The following ZNF438 variants were observed in gnomAD, a reference collection of about 807,000 sequenced individuals.
ZNF438 encodes the protein zinc finger protein 438.
Under a neutral mutation model 38.0 loss-of-function variants are expected in ZNF438, and 25 were observed. The ratio of observed to expected loss-of-function variants is 0.66; its 90% CI spans 0.48 to 0.92. The LOEUF is 0.92. Among genes scored for constraint, ZNF438 ranks in the 40% least tolerant of loss-of-function variants. The pLI, the probability that ZNF438 is intolerant of heterozygous loss-of-function variation, is 0.00. For missense variants in ZNF438, 1,007 were observed against 999.6 expected, an observed-to-expected ratio of 1.01 and a Z score of -0.10; for synonymous variants, 372 against 364.1, an observed-to-expected ratio of 1.02 and a Z score of -0.25.
Position 31,010,233 on chromosome 10 carries a change from G to T in ZNF438, c.-192+21600C>A, listed in dbSNP as rs192684634. Among the ~76,000 whole-genome samples the T allele has an allele frequency of 2.8e-3, 423 of 152,242 alleles. 2 individuals are homozygous for T. The highest frequency in any genetic ancestry group is 3.8e-3 in the Non-Finnish European group (259 of 68,016). ...TGGCTAAAAGAAAAAATACTTATAT[G>T]TTTACCTTTAACCAGAAAAGCCTGA... On this transcript the variant is annotated intron_variant, in intron 1 of 5. Coordinates refer to ENST00000413025, the Ensembl canonical transcript of ZNF438.
chr10:30,995,103 A>G (rs2053912779), intron 1 of ZNF438, among the ~76,000 whole-genome samples: 1 of 152,048 alleles, frequency 6.6e-6, no homozygotes, highest in African/African-American at 2.4e-5. Context: ...AAATCTTTCC[A>G]AATTTGATAA....
intron 1 of ZNF438, among the ~76,000 whole-genome samples, chr10:30,963,002 G>T (rs1489017731): frequency 1.3e-5 from 2 of 151,986 alleles, no homozygotes; most frequent in Non-Finnish European, 2.9e-5. Context: ...TAATCAAAGG[G>T]TCTCAATATA....
intron 3 of ZNF438, among the ~76,000 whole-genome samples, chr10:30,906,671 T>C (rs1484196041): frequency 1.3e-5 from 2 of 152,222 alleles, no homozygotes; most frequent in Non-Finnish European, 1.5e-5. Flanking sequence ...ACTTTCAGTT[T>C]TTCACCATTA....
At chr10:30,947,501 A>C (rs1027149634) in intron 1 of ZNF438, among the ~76,000 whole-genome samples, 4 of 152,252 alleles carry the variant, frequency 2.6e-5, no homozygotes, top group African/African-American at 7.2e-5. Context: ...CTGCCCCCAG[A>C]GGTGGAGCCT....
chr10:30,988,299 T>G (rs1254305732), intron 1 of ZNF438, among the ~76,000 whole-genome samples: 1 of 152,098 alleles, frequency 6.6e-6, no homozygotes, highest in Non-Finnish European at 1.5e-5. Context: ...AAACAGTAAC[T>G]TGAAAAAAAT....
At chr10:30,899,551 T>C (rs943595126) in intron 3 of ZNF438, among the ~76,000 whole-genome samples, 6 of 152,328 alleles carry the variant, frequency 3.9e-5, no homozygotes, top group African/African-American at 7.2e-5. Flanking sequence ...TACATTATCA[T>C]TGAAAAATTC....
intron 4 of ZNF438, among the ~76,000 whole-genome samples, chr10:30,866,126 A>G (rs1222426693): frequency 6.6e-6 from 1 of 152,180 alleles, no homozygotes; most frequent in Non-Finnish European, 1.5e-5. Context: ...TTTTAGTTTT[A>G]TAAAATTTTG....
chr10:30,949,848 A>C (rs1248652328), intron 1 of ZNF438, among the ~76,000 whole-genome samples: 1 of 152,092 alleles, frequency 6.6e-6, no homozygotes, highest in Non-Finnish European at 1.5e-5. Context: ...CGAGACAGAA[A>C]GTCAACAAGG....
At chr10:31,029,514 T>C (rs2057147948) in intron 1 of ZNF438, among the ~76,000 whole-genome samples, 1 of 152,196 alleles carries the variant, frequency 6.6e-6, no homozygotes, top group Non-Finnish European at 1.5e-5. Flanking sequence ...CCGTCAGCTC[T>C]ACCTTCAAAA....
chr10:31,005,802 CT>C (rs1277169872), intron 1 of ZNF438, among the ~76,000 whole-genome samples: 2 of 151,796 alleles, frequency 1.3e-5, no homozygotes, highest in East Asian at 3.8e-4. Flanking sequence ...GCTCATCATC[CT>C]ATTTACTTTT....
intron 3 of ZNF438, among the ~76,000 whole-genome samples, chr10:30,900,043 G>A (rs1222612119): frequency 6.6e-6 from 1 of 152,052 alleles, no homozygotes; most frequent in East Asian, 1.9e-4. Context: ...GGGTTACATG[G>A]TAAATATTTT....
At chr10:30,888,005 A>C (rs2040183582) in intron 3 of ZNF438, among the ~76,000 whole-genome samples, 2 of 152,186 alleles carry the variant, frequency 1.3e-5, no homozygotes, top group Non-Finnish European at 2.9e-5. Flanking sequence ...CATTATATGA[A>C]TATAACACAA....
In ZNF438 at chr10:30,853,474, C is replaced by T. The variant is rs529748250; in HGVS notation, c.38-3107G>A. Among the ~76,000 whole-genome samples, 32 of 152,310 alleles carry T rather than the reference C, an allele frequency of 2.1e-4. No individual in the cohort carries two copies. The East Asian group carries it at 2.7e-3, about 13-fold the overall frequency. ...ATGGTGGCCTCTTTGCTGTTCTGGG[C>T]ATGCACCTCCTGAGAGGAGGCTCCT... On this transcript the variant is annotated intron_variant, in intron 4 of 5. Transcript: ENST00000413025.
At chr10:30,913,803 G>T (rs770894094) in intron 2 of ZNF438, among the ~76,000 whole-genome samples, 30 of 152,034 alleles carry the variant, frequency 2.0e-4, no homozygotes, top group Non-Finnish European at 4.4e-5. Context: ...TAAGAACAAG[G>T]AACTTCTCTT....
intron 1 of ZNF438, among the ~76,000 whole-genome samples, chr10:30,998,385 T>C (rs1019613225): frequency 6.9e-5 from 10 of 145,940 alleles, no homozygotes; most frequent in Non-Finnish European, 1.5e-4. Flanking sequence ...CTAAGAAAAA[T>C]ACAAAAAATT....
chr10:31,031,339 G>C (rs887094102), intron 1 of ZNF438, among the ~76,000 whole-genome samples: 6 of 152,142 alleles, frequency 3.9e-5, no homozygotes, highest in African/African-American at 1.2e-4. Flanking sequence ...ACACAAAAAA[G>C]AAAACTGAGG....
intron 3 of ZNF438, among the ~76,000 whole-genome samples, chr10:30,886,149 T>C (rs896322596): frequency 4.6e-5 from 7 of 152,178 alleles, no homozygotes; most frequent in African/African-American, 1.4e-4. Flanking sequence ...TAAATACATA[T>C]TAGTATTCCT....
exon 5 of ZNF438, chr10:30,848,644 T>A (rs779119154): frequency 6.2e-7 from 1 of 1,614,124 alleles, no homozygotes; most frequent in Non-Finnish European, 8.5e-7. Flanking sequence ...TATGCACTTC[T>A]TTCAGATGGC....
At chr10:30,872,645 G>T (rs576941332) in intron 4 of ZNF438, among the ~76,000 whole-genome samples, 28 of 149,332 alleles carry the variant, frequency 1.9e-4, no homozygotes, top group African/African-American at 5.9e-4. Flanking sequence ...AGCTACTTGG[G>T]AGGCTGAGGC....
Sources: allele counts gnomAD v4.1 joint callset (sites outside exome capture counted in the v4.1 genomes callset), GRCh38; gene constraint gnomAD v4.1.1; transcripts MANE v1.5; gene names NCBI Gene and HGNC (gene_info 2026-07-23, HGNC 2026-07-21).